The following RIPK2 variants were observed in gnomAD, a reference collection of about 807,000 sequenced individuals.
RIPK2 encodes receptor interacting serine/threonine kinase 2.
In RIPK2, 38 loss-of-function variants were observed where a neutral mutation model predicts 60.9. That is an observed-to-expected ratio of 0.62 (90% confidence interval 0.48 to 0.82). The LOEUF is 0.82. RIPK2 is among the 40% of genes least tolerant of loss of function. The probability of loss-of-function intolerance (pLI) is 0.00; values close to 1 mark genes in which losing one functional copy is unlikely to be tolerated. For synonymous variants in RIPK2, 225 were observed against 223.4 expected, an observed-to-expected ratio of 1.01 and a Z score of -0.06; for missense variants, 518 against 647.0, an observed-to-expected ratio of 0.80 and a Z score of 2.16.
chr8:89,785,354 A>G (rs928156577), intron 8 of RIPK2, among the ~76,000 whole-genome samples: 4 of 152,136 alleles, frequency 2.6e-5, no homozygotes, highest in African/African-American at 7.2e-5. Flanking sequence ...GCATGCCTGT[A>G]ATCCCAGCTA....
intron 6 of RIPK2, 68 bp from the exon 7 acceptor site, chr8:89,780,007 A>G: frequency 1.3e-6 from 1 of 762,746 alleles, no homozygotes; most frequent in Non-Finnish European, 2.2e-6. Flanking sequence ...TGTACATTAA[A>G]TGTTAGCATT....
chr8:89,777,980 G>A (rs1365968911), intron 6 of RIPK2, among the ~76,000 whole-genome samples: 3 of 152,024 alleles, frequency 2.0e-5, no homozygotes, highest in Non-Finnish European at 2.9e-5. Flanking sequence ...AATTACAAAG[G>A]GATCTCTAGA....
Position 89,757,843 on chromosome 8 carries a change from A to T in RIPK2, c.-218A>T, listed in dbSNP as rs1809068876. ...TTCGCGGCGCTACGGCGTTGGCACCAGTCTCTAGAAAAGAAGTCAGCTCTG... is the reference window on the plus strand; with the variant it reads ...TTCGCGGCGCTACGGCGTTGGCACCTGTCTCTAGAAAAGAAGTCAGCTCTG... On this transcript the variant is annotated 5_prime_UTR_variant, in exon 1 of 11. Coordinates refer to ENST00000220751, the MANE Select transcript of RIPK2 (RefSeq NM_003821.6). 7.7e-7 allele frequency: 1 copy of T among 1,303,030 alleles called. No individual in the cohort carries two copies. Among genetic ancestry groups the T allele is most frequent in the Admixed American group, 3.9e-5 (1 of 25,560 alleles). 80.7% of individuals were successfully genotyped at this position (1,303,030 alleles called of 1,614,324 possible). A position where few individuals can be genotyped will look rare whatever the true frequency, so the allele number is the denominator to read the frequency against.
intron 7 of RIPK2, 22 bp from the exon 8 acceptor site, chr8:89,784,028 T>C: frequency 7.9e-7 from 1 of 1,263,248 alleles, no homozygotes; most frequent in Non-Finnish European, 1.1e-6. Flanking sequence ...AAAGTGTATA[T>C]ATATTTATGT....
At chr8:89,781,376 T>TA (rs1809498045) in intron 7 of RIPK2, among the ~76,000 whole-genome samples, 1 of 129,650 alleles carries the variant, frequency 7.7e-6, no homozygotes, top group East Asian at 2.2e-4. Flanking sequence ...TTTTTTTTTT[T>TA]AGTTTTTAAA....
intron 8 of RIPK2, among the ~76,000 whole-genome samples, chr8:89,785,648 G>A (rs1809574482): frequency 6.6e-6 from 1 of 152,044 alleles, no homozygotes; most frequent in African/African-American, 2.4e-5. Flanking sequence ...CTGGTTCCAA[G>A]CATTTCAGAT....
chr8:89,786,703 A>G lies in RIPK2; in HGVS notation c.1123+17A>G. Reference sequence around the variant, plus strand: ...TTTTATCTAGTATGTAGATTTTCCAATCATTATTTACTTGCAAGTTTTCCA... The same window carrying G: ...TTTTATCTAGTATGTAGATTTTCCAGTCATTATTTACTTGCAAGTTTTCCA... On this transcript the variant is annotated intron_variant, in intron 9 of 10. Transcript: ENST00000220751. The G allele has an allele frequency of 7.3e-7, 1 of 1,371,810 alleles. No individual in the cohort carries two copies. The highest frequency in any genetic ancestry group is 1.0e-6 in the Non-Finnish European group (1 of 980,836). The allele number at this position is 1,371,810 out of a possible 1,614,324, so 85.0% of individuals were successfully genotyped here.
At chr8:89,785,151 T>G (rs935012321) in intron 8 of RIPK2, among the ~76,000 whole-genome samples, 1 of 152,114 alleles carries the variant, frequency 6.6e-6, no homozygotes, top group Admixed American at 6.5e-5. Context: ...CATAGCAACA[T>G]CTGACCTCAT....
At chr8:89,775,871 T>TA (rs1400064910) in intron 6 of RIPK2, among the ~76,000 whole-genome samples, 1 of 152,156 alleles carries the variant, frequency 6.6e-6, no homozygotes, top group African/African-American at 2.4e-5. Flanking sequence ...CAATGCCTAT[T>TA]ACCCCTGCCT....
intron 8 of RIPK2, among the ~76,000 whole-genome samples, chr8:89,786,263 C>T (rs1809585386): frequency 1.3e-5 from 2 of 152,056 alleles, no homozygotes; most frequent in South Asian, 4.1e-4. Flanking sequence ...CACTTGATCG[C>T]AGGAGTTTGA....
At chr8:89,761,000 C>T (rs1269064189) in intron 1 of RIPK2, among the ~76,000 whole-genome samples, 1 of 152,178 alleles carries the variant, frequency 6.6e-6, no homozygotes, top group Non-Finnish European at 1.5e-5. Context: ...CAAACTGATA[C>T]TGGTTTCCTA....
At chr8:89,785,999 A>G (rs1809581369) in intron 8 of RIPK2, among the ~76,000 whole-genome samples, 1 of 152,190 alleles carries the variant, frequency 6.6e-6, no homozygotes, top group African/African-American at 2.4e-5. Flanking sequence ...TTTCTCATTC[A>G]CTATTCTAGC....
chr8:89,782,443 G>A (rs1217584236), intron 7 of RIPK2, among the ~76,000 whole-genome samples: 1 of 152,190 alleles, frequency 6.6e-6, no homozygotes, highest in Non-Finnish European at 1.5e-5. Flanking sequence ...AGTCACTTAT[G>A]TACATCTCAC....
In RIPK2 at chr8:89,758,778, AAG is replaced by A. The variant is rs763674513; in HGVS notation, c.173+547_173+548del. On this transcript the variant is annotated intron_variant, in intron 1 of 10. Transcript: ENST00000220751. The stretch of plus-strand genomic sequence containing the variant: ...TCGAATGCTTAGTATTTATTAAAAA[AAG>A]AACTTATAATATTTTATTATTTGTT... Among the ~76,000 whole-genome samples the A allele has an allele frequency of 2.0e-5, 3 of 152,230 alleles. No individual in the cohort carries two copies. The East Asian group carries it at 5.8e-4, about 29-fold the overall frequency.
At chr8:89,760,010 C>T (rs1480427533) in intron 1 of RIPK2, among the ~76,000 whole-genome samples, 2 of 152,156 alleles carry the variant, frequency 1.3e-5, no homozygotes, top group Admixed American at 6.5e-5. Context: ...AGCCATAAGA[C>T]CAGCGAAACA....
chr8:89,778,604 G>A (rs777552266), intron 6 of RIPK2, among the ~76,000 whole-genome samples: 12 of 152,224 alleles, frequency 7.9e-5, no homozygotes, highest in Admixed American at 3.3e-4. Context: ...CACACTTAGC[G>A]TAATGTTTCT....
Position 89,769,881 on chromosome 8 carries a change from A to G in RIPK2, c.593A>G (p.Tyr198Cys). The change falls in exon 4 of 11, where the codon TAT (tyrosine) becomes TGT (cysteine). Residue 198 changes from tyrosine (Y) to cysteine (C), a missense_variant. Physicochemically the swap from Tyr to Cys is radical, Grantham distance 194 (BLOSUM62 -2). Coordinates refer to ENST00000220751, the MANE Select transcript of RIPK2 (RefSeq NM_003821.6). Reference protein sequence around the residue: ...GTIIYMPPENYEPGQKSRASI... With the variant: ...GTIIYMPPENCEPGQKSRASI... ...ATTATCTATATGCCACCTGAAAACT[A>G]TGAACCTGGACAAAAATCAAGGGCC... 3 of 1,608,852 alleles carry G rather than the reference A, an allele frequency of 1.9e-6. 1 individual carries two copies. The South Asian group carries it at 3.3e-5, about 18-fold the overall frequency.
chr8:89,783,001 A>G (rs1378158248), intron 7 of RIPK2, among the ~76,000 whole-genome samples: 8 of 152,236 alleles, frequency 5.3e-5, no homozygotes, highest in African/African-American at 1.9e-4. Flanking sequence ...AGGGTCATAT[A>G]ACAATATGTT....
intron 1 of RIPK2, among the ~76,000 whole-genome samples, chr8:89,758,938 A>G (rs1013938490): frequency 1.3e-5 from 2 of 152,128 alleles, no homozygotes; most frequent in Admixed American, 6.5e-5. Flanking sequence ...TGTTCACATT[A>G]TATGTTTATT....
Sources: gnomAD v4.1 joint callset for allele counts (sites outside exome capture counted in the v4.1 genomes callset) on GRCh38, gnomAD v4.1.1 for gene constraint, MANE v1.5 for transcripts, NCBI Gene and HGNC (gene_info 2026-07-23, HGNC 2026-07-21) for gene names.